The following LHX1 variants were observed in gnomAD, a reference collection of about 807,000 sequenced individuals.
The protein encoded by LHX1 is LIM homeobox 1, also known as LIM/homeobox protein Lhx1.
In LHX1, 9 loss-of-function variants were observed where a neutral mutation model predicts 34.1. That is an observed-to-expected ratio of 0.26 (90% CI 0.16 to 0.46). The LOEUF (loss-of-function observed/expected upper bound fraction) is 0.46, where lower values mean the gene tolerates loss of function less well. Among genes scored for constraint, LHX1 ranks in the 20% least tolerant of loss-of-function variants. LHX1 has a pLI of 1.00. For synonymous variants in LHX1, 254 were observed against 241.5 expected (o/e 1.05, Z -0.48); for missense variants, 446 against 559.1 (o/e 0.80, Z 2.04).
At position 36,944,143 on chromosome 17, in the gene LHX1, T is replaced by G. The variant is rs1173758768; in HGVS notation, c.*1012T>G. The G allele has an allele frequency of 6.6e-6, 1 of 152,166 alleles. No individual in the cohort carries two copies. The highest frequency in any genetic ancestry group is 1.9e-4 in the East Asian group (1 of 5,178). 9.4% of individuals were successfully genotyped at this position (152,166 alleles called of 1,614,324 possible). On this transcript the variant is annotated 3_prime_UTR_variant, in exon 5 of 5. Coordinates refer to ENST00000614239, the MANE Select transcript of LHX1 (RefSeq NM_005568.5). ...GGGCTTTCGGCTCACTGTGCTAGTATGTAAAAAGGTGTTGTTTACACGAGG... is the reference window on the plus strand; with the variant it reads ...GGGCTTTCGGCTCACTGTGCTAGTAGGTAAAAAGGTGTTGTTTACACGAGG...
At chr17:36,941,276 G>A in intron 3 of LHX1, 1 of 444,526 alleles carries the variant, frequency 2.2e-6, no homozygotes, top group Non-Finnish European at 4.2e-6. Context: ...TCTGCCTTCT[G>A]CACAAAGTGA....
chr17:36,937,179 C>A (rs1008693693), upstream of LHX1: 2 of 448,894 alleles, frequency 4.5e-6, no homozygotes, highest in Non-Finnish European at 4.5e-6. Flanking sequence ...GTGGGCCGAG[C>A]GATGCGGGGC....
In LHX1 at chr17:36,942,855, G is replaced by A. The variant is rs112081488; in HGVS notation, c.945G>A (p.Pro315=). Reference sequence around the variant, plus strand: ...CACCAGTGGACCTACCCTTCGTGCCGTCATCTGGGCCGTCCGGGACGCCCC... The same window carrying A: ...CACCAGTGGACCTACCCTTCGTGCCATCATCTGGGCCGTCCGGGACGCCCC... ...AQTPVDLPFV[P]SSGPSGTPLG... Residue 315 remains proline, a synonymous_variant, in exon 5 of 5, where the codon CCG becomes CCA. Transcript: ENST00000614239. The A allele has an allele frequency of 2.6e-4, 411 of 1,588,046 alleles. No homozygotes were observed. In the African/African-American group the frequency reaches 4.3e-3, roughly 17 times the overall value.
upstream of LHX1, chr17:36,937,308 A>G (rs2070732598): frequency 2.4e-6 from 1 of 414,642 alleles, no homozygotes; most frequent in Non-Finnish European, 4.8e-6. Context: ...CGCCCTGAGG[A>G]CACGGAGGCC....
In LHX1 at chr17:36,937,950, C is replaced by G; in HGVS notation, c.-248C>G. On this transcript the variant is annotated 5_prime_UTR_variant, in exon 1 of 5. Transcript: ENST00000614239. ...CTCGCCCCGGGAGCTCAGGCGGCGC[C>G]GCTCCAGCCCGGGGCCCCGGGACTC... The G allele has an allele frequency of 1.7e-6, 1 of 601,184 alleles. No individual in the cohort carries two copies. The highest frequency in any genetic ancestry group is 3.0e-6 in the Non-Finnish European group (1 of 335,686). 37.2% of individuals were successfully genotyped at this position (601,184 alleles called of 1,614,324 possible).
At chr17:36,940,190 A>G (rs1415949221) in intron 1 of LHX1, 100 bp from the exon 2 acceptor site, 2 of 715,976 alleles carry the variant, frequency 2.8e-6, no homozygotes, top group African/African-American at 1.8e-5. Context: ...CACTTTTTAC[A>G]TCTTCCCTCT....
In LHX1 at chr17:36,943,700, A is replaced by C. The variant is rs986658532; in HGVS notation, c.*569A>C. On this transcript the variant is annotated 3_prime_UTR_variant, in exon 5 of 5. Transcript: ENST00000614239. Reference sequence around the variant, plus strand: ...GACCTGCCGTGCATCAGGTGGGACTATATATATATTTTTTGTCTATCTGGA... The same window carrying C: ...GACCTGCCGTGCATCAGGTGGGACTCTATATATATTTTTTGTCTATCTGGA... 7 of 152,220 alleles carry C rather than the reference A, an allele frequency of 4.6e-5. No homozygotes were observed. The highest frequency in any genetic ancestry group is 1.7e-4 in the African/African-American group (7 of 41,444). The allele number at this position is 152,220 out of a possible 1,614,324, so 9.4% of individuals were successfully genotyped here.
At position 36,942,952 on chromosome 17, in the gene LHX1, G is replaced by A. The variant is rs767835432; in HGVS notation, c.1042G>A (p.Ala348Thr). ...SEAQRFTDIL[A>T]HPPGDSPSPE... The stretch of plus-strand genomic sequence containing the variant: ...GGCGCAGCGGTTTACCGACATCCTG[G>A]CGCACCCACCCGGGGACTCGCCCAG... The change falls in exon 5 of 5, where the codon GCG becomes ACG. Residue 348 changes from alanine (A) to threonine (T), a missense_variant. Ala to Thr is a moderately conservative substitution (Grantham distance 58). Transcript: ENST00000614239. 3 of 1,609,610 alleles carry A rather than the reference G, an allele frequency of 1.9e-6. No homozygotes were observed. The highest frequency in any genetic ancestry group is 1.7e-6 in the Non-Finnish European group (2 of 1,178,586).
At position 36,937,911 on chromosome 17, in the gene LHX1, T is replaced by C. The variant is rs1462358064; in HGVS notation, c.-287T>C. On this transcript the variant is annotated 5_prime_UTR_variant, in exon 1 of 5. Transcript: ENST00000614239. Reference sequence around the variant, plus strand: ...CAGAAGGGTCGCATTCTCTCCCGCCTGAGACTTCTTTTCCTCGCCCCGGGA... The same window carrying C: ...CAGAAGGGTCGCATTCTCTCCCGCCCGAGACTTCTTTTCCTCGCCCCGGGA... 4 of 596,296 alleles carry C rather than the reference T, an allele frequency of 6.7e-6. No individual in the cohort carries two copies. Among genetic ancestry groups the C allele is most frequent in the Non-Finnish European group, 1.2e-5 (4 of 326,170 alleles). 36.9% of individuals were successfully genotyped at this position (596,296 alleles called of 1,614,324 possible).
At chr17:36,937,273 G>T, upstream of LHX1, 1 of 444,896 alleles carries the variant, frequency 2.2e-6, no homozygotes, top group Non-Finnish European at 4.5e-6. Context: ...AGTGCCTCCC[G>T]AAGGAGCCCG....
chr17:36,938,655 A>C (rs1275686027), intron 1 of LHX1: 1 of 545,340 alleles, frequency 1.8e-6, no homozygotes, highest in African/African-American at 1.9e-5. Flanking sequence ...TGGAAGAGAC[A>C]GGGCAGCCTC....
In LHX1 at chr17:36,943,878, T is replaced by C. The variant is rs568253646; in HGVS notation, c.*747T>C. 3 of 148,790 alleles carry C rather than the reference T, an allele frequency of 2.0e-5. No individual in the cohort carries two copies. The highest frequency in any genetic ancestry group is 4.0e-4 in the East Asian group (2 of 5,050). 9.2% of individuals were successfully genotyped at this position (148,790 alleles called of 1,614,324 possible). A position where few individuals can be genotyped will look rare whatever the true frequency, so the allele number is the denominator to read the frequency against. On this transcript the variant is annotated 3_prime_UTR_variant, in exon 5 of 5. Transcript: ENST00000614239. ...TCTCCAGCCAGACCGCTCAGTAAAATGACTTGAACATCAGCTGTACAAGAA... is the reference window on the plus strand; with the variant it reads ...TCTCCAGCCAGACCGCTCAGTAAAACGACTTGAACATCAGCTGTACAAGAA...
chr17:36,937,098 A>G (rs1045109846), upstream of LHX1: 3 of 353,578 alleles, frequency 8.5e-6, no homozygotes, highest in African/African-American at 4.6e-5. Flanking sequence ...CACCACAACG[A>G]AAAAAAGAAG....
chr17:36,938,303 T>C lies in LHX1; in HGVS notation c.106T>C (p.Cys36Arg). The part of the protein sequence containing the change: ...VKCVQCCECK[C>R]NLTEKCFSRE... ...GTGCGTCCAGTGCTGTGAATGTAAA[T>C]GCAACCTGACCGAGAAGTGCTTCTC... The change falls in exon 1 of 5, where the codon TGC (cysteine) becomes CGC (arginine). Residue 36 changes from cysteine (C) to arginine (R), a missense_variant. Cys to Arg is a radical substitution (Grantham distance 180). This residue lies in a region of LHX1 where 168 missense variants were observed against 226.6 expected (regional missense o/e 0.74). Coordinates refer to ENST00000614239, the MANE Select transcript of LHX1 (RefSeq NM_005568.5). 6.2e-7 allele frequency: 1 copy of C among 1,614,214 alleles called. No individual in the cohort carries two copies. Among genetic ancestry groups the C allele is most frequent in the Non-Finnish European group, 8.5e-7 (1 of 1,180,018 alleles).
intron 3 of LHX1, 34 bp from the exon 4 acceptor site, chr17:36,942,166 C>T (rs79002248): frequency 0.046 from 71,778 of 1,552,724 alleles, 3,326 homozygotes; most frequent in African/African-American, 0.22. Flanking sequence ...GGGGTGGAGT[C>T]TCGGTGGCCT....
intron 1 of LHX1, among the ~76,000 whole-genome samples, chr17:36,938,969 CTGCGAAG>C (rs1442632113): frequency 2.0e-5 from 3 of 152,256 alleles, no homozygotes; most frequent in Non-Finnish European, 4.4e-5. Context: ...GCACTGTAGC[CTGCGAAG>C]TGCCCGGAGC....
At position 36,943,141 on chromosome 17, in the gene LHX1, G is replaced by A. The variant is rs754566332; in HGVS notation, c.*10G>A. 1 of 1,611,672 alleles carries A rather than the reference G, an allele frequency of 6.2e-7. No homozygotes were observed. The highest frequency in any genetic ancestry group is 1.1e-5 in the South Asian group (1 of 90,982). On this transcript the variant is annotated 3_prime_UTR_variant, in exon 5 of 5. Coordinates refer to ENST00000614239, the MANE Select transcript of LHX1 (RefSeq NM_005568.5). ...GGCGGCCGTGTGGTAGCGGGGTCTC[G>A]CACGGTCTGCGGAGTTCGTGGTTGT... is the stretch of plus-strand genomic sequence containing the variant.
rs2070759163 is a variant in LHX1 at position 36,940,663 on chromosome 17, G to A, written c.451G>A (p.Asp151Asn). Reference protein sequence around the residue: ...LSPDSQDPSQDDAKDSESANV... With the variant: ...LSPDSQDPSQNDAKDSESANV... The stretch of plus-strand genomic sequence containing the variant: ...TCCGGATTCCCAAGACCCGTCGCAG[G>A]ACGACGCCAAGGACTCGGAGAGCGC... The change falls in exon 3 of 5, where the codon GAC (aspartate) becomes AAC (asparagine). Residue 151 changes from aspartate to asparagine, a missense_variant. Asp to Asn is a conservative substitution (Grantham distance 23, BLOSUM62 1). Around this residue, in one of 3 missense-constraint regions of LHX1, gnomAD observed 168 missense variants for 226.6 expected, o/e 0.74. Coordinates refer to ENST00000614239, the MANE Select transcript of LHX1 (RefSeq NM_005568.5). 3 of 1,613,754 alleles carry A rather than the reference G, an allele frequency of 1.9e-6. No individual in the cohort carries two copies. Among genetic ancestry groups the A allele is most frequent in the Non-Finnish European group, 2.5e-6 (3 of 1,180,050 alleles).
intron 3 of LHX1, among the ~76,000 whole-genome samples, chr17:36,941,840 G>C (rs1407808744): frequency 6.6e-6 from 1 of 152,182 alleles, no homozygotes; most frequent in Non-Finnish European, 1.5e-5. Context: ...AAATGGAAAC[G>C]CGGTGTGTGT....
Sources: gnomAD v4.1 joint callset for allele counts (sites outside exome capture counted in the v4.1 genomes callset) on GRCh38, gnomAD v4.1.1 for gene constraint, gnomAD v4.1.1 regional missense constraint, MANE v1.5 for transcripts, NCBI Gene and HGNC (gene_info 2026-07-23, HGNC 2026-07-21) for gene names.